PI4KB: variants seen among roughly 807,000 people sequenced by gnomAD.
The protein encoded by PI4KB is phosphatidylinositol 4-kinase beta.
A neutral mutation model predicts 81.4 loss-of-function variants in PI4KB; 23 were observed. That is an observed-to-expected ratio of 0.28 (90% CI 0.20 to 0.40). The LOEUF (loss-of-function observed/expected upper bound fraction) is 0.40, where lower values mean the gene tolerates loss of function less well. Ranked by LOEUF, PI4KB falls within the 10% of genes least tolerant of loss-of-function variation. The probability of loss-of-function intolerance (pLI) is 1.00; values close to 1 mark genes in which losing one functional copy is unlikely to be tolerated. For missense variants in PI4KB, 651 were observed against 1,036.6 expected, an observed-to-expected ratio of 0.63 and a Z score of 5.11; for synonymous variants, 381 against 406.8, an observed-to-expected ratio of 0.94 and a Z score of 0.76.
rs587703278 is a variant in PI4KB, at chr1:151,293,177, G to A, written c.2270-144C>T. 1.2e-5 allele frequency: 18 copies of A among 1,478,226 alleles called. No individual in the cohort carries two copies. The African/African-American group carries it at 2.4e-4, about 20-fold the overall frequency. 91.6% of individuals were successfully genotyped at this position (1,478,226 alleles called of 1,614,324 possible). ...GATGATGTGGGTGCAGTTCTGCTTG[G>A]GCAGAGAGAAGGAACCGGCAGGAAC... is the stretch of plus-strand genomic sequence containing the variant. On this transcript the variant is annotated intron_variant, in intron 11 of 11. Transcript: ENST00000368873.
intron 1 of PI4KB, among the ~76,000 whole-genome samples, chr1:151,322,342 T>C (rs1648971512): frequency 6.6e-6 from 1 of 151,980 alleles, no homozygotes; most frequent in African/African-American, 2.4e-5. Flanking sequence ...GCAGTTAAAA[T>C]ACATGTCTGC....
chr1:151,320,705 G>A (rs1038830372), intron 1 of PI4KB, among the ~76,000 whole-genome samples: 1 of 152,180 alleles, frequency 6.6e-6, no homozygotes, highest in Non-Finnish European at 1.5e-5. Context: ...CCACACCTTC[G>A]TAGGGCACTC....
At chr1:151,302,702 C>T (rs374373846) in intron 6 of PI4KB, among the ~76,000 whole-genome samples, 6 of 151,020 alleles carry the variant, frequency 4.0e-5, no homozygotes, top group African/African-American at 4.9e-5. Context: ...CTCAGCCTCC[C>T]GAGTAGCTGG....
At chr1:151,320,311 G>A (rs1195854215) in intron 1 of PI4KB, among the ~76,000 whole-genome samples, 1 of 152,182 alleles carries the variant, frequency 6.6e-6, no homozygotes, top group Non-Finnish European at 1.5e-5. Context: ...GGGATTACAG[G>A]TGTGAGCTGC....
intron 3 of PI4KB, among the ~76,000 whole-genome samples, chr1:151,309,379 C>T (rs1696025997): frequency 6.6e-6 from 1 of 152,062 alleles, no homozygotes; most frequent in Non-Finnish European, 1.5e-5. Context: ...CCCCAGGCCT[C>T]AAGAGAGAGG....
At chr1:151,324,649 T>A in intron 1 of PI4KB, 1 of 416,546 alleles carries the variant, frequency 2.4e-6, no homozygotes. Flanking sequence ...TGCAGAGCCA[T>A]GGAGCTGGTA....
At chr1:151,297,928 C>T (rs1013292304) in intron 9 of PI4KB, among the ~76,000 whole-genome samples, 1 of 152,192 alleles carries the variant, frequency 6.6e-6, no homozygotes, top group Non-Finnish European at 1.5e-5. Context: ...GACAGCTGCC[C>T]TGTGCCGAGG....
In PI4KB at chr1:151,310,065, G is replaced by A. The variant is rs75384344; in HGVS notation, c.954+146C>T. On this transcript the variant is annotated intron_variant, in intron 3 of 11. Coordinates refer to ENST00000368873, the MANE Select transcript of PI4KB (RefSeq NM_001369623.2). The stretch of plus-strand genomic sequence containing the variant: ...AGGGGAACTCCAGCAGATCTGGGAG[G>A]TCTGGGAGGGAGGAGCTGATCTCCC... 5.2e-3 allele frequency: 3,346 copies of A among 642,480 alleles called. 93 individuals are homozygous for A. The African/African-American group carries it at 0.053, about 10-fold the overall frequency. 39.8% of individuals were successfully genotyped at this position (642,480 alleles called of 1,614,324 possible). A position where few individuals can be genotyped will look rare whatever the true frequency, so the allele number is the denominator to read the frequency against.
chr1:151,319,679 G>A (rs1648559882), intron 1 of PI4KB, among the ~76,000 whole-genome samples: 2 of 152,296 alleles, frequency 1.3e-5, no homozygotes, highest in African/African-American at 4.8e-5. Context: ...ATCCTTCAGA[G>A]CCTCACCAAA....
Position 151,305,115 on chromosome 1 carries a change from C to A in PI4KB, c.1410+1021G>T, listed in dbSNP as rs11204801. 6.8e-3 allele frequency among the ~76,000 whole-genome samples: 1,041 copies of A among 152,248 alleles called. 15 individuals are homozygous for A. Among genetic ancestry groups the A allele is most frequent in the African/African-American group, 0.023 (972 of 41,524 alleles). ...AAAGTGCTGGGATTACAGGCGTGCGCCACCGCACCCGGCATAATTTTTCTA... is the reference window on the plus strand; with the variant it reads ...AAAGTGCTGGGATTACAGGCGTGCGACACCGCACCCGGCATAATTTTTCTA... On this transcript the variant is annotated intron_variant, in intron 5 of 11. Transcript: ENST00000368873.
At chr1:151,303,022 G>A (rs1280569103) in intron 6 of PI4KB, among the ~76,000 whole-genome samples, 16 of 112,504 alleles carry the variant, frequency 1.4e-4, no homozygotes, top group East Asian at 2.7e-4. Flanking sequence ...TTTTTGAGAC[G>A]GAGTCTCGTT....
intron 4 of PI4KB, 107 bp downstream of exon 4, chr1:151,307,467 G>A: frequency 1.5e-6 from 1 of 683,972 alleles, no homozygotes. Context: ...ACTATGAAGG[G>A]AGTCTAGGAT....
intron 4 of PI4KB, 144 bp downstream of exon 4, chr1:151,307,428 CAG>C (rs1238841462): frequency 4.8e-6 from 3 of 620,754 alleles, no homozygotes; most frequent in African/African-American, 1.8e-5. Flanking sequence ...CGCACTGAGA[CAG>C]AGTCATGGTT....
At chr1:151,312,670 C>T (rs1046173438) in intron 2 of PI4KB, among the ~76,000 whole-genome samples, 2 of 152,106 alleles carry the variant, frequency 1.3e-5, no homozygotes, top group Non-Finnish European at 2.9e-5. Context: ...AAAAGGAAAA[C>T]CAATTCCTTT....
intron 5 of PI4KB, among the ~76,000 whole-genome samples, chr1:151,303,948 T>C (rs1354778971): frequency 6.6e-6 from 1 of 152,188 alleles, no homozygotes; most frequent in African/African-American, 2.4e-5. Context: ...AGACTTCCAA[T>C]GCACTAAAGT....
rs779756607 is a variant in PI4KB, at chr1:151,291,841, TAACA to T, written c.*1007_*1010del. On this transcript the variant is annotated 3_prime_UTR_variant, in exon 12 of 12. Coordinates refer to ENST00000368873, the MANE Select transcript of PI4KB (RefSeq NM_001369623.2). ...TTTATTCTTGTAGTAATAATAATAC[TAACA>T]AACAGTTGGGGAACTAGGGAGAAAA... 1 of 152,512 alleles carries T rather than the reference TAACA, an allele frequency of 6.6e-6. No homozygotes were observed. The highest frequency in any genetic ancestry group is 2.1e-4 in the South Asian group (1 of 4,834). 9.4% of individuals were successfully genotyped at this position (152,512 alleles called of 1,614,324 possible).
chr1:151,307,630 G>A lies in PI4KB; in HGVS notation c.1126C>T (p.His376Tyr). The A allele has an allele frequency of 6.2e-7, 1 of 1,614,158 alleles. No homozygotes were observed. Among genetic ancestry groups the A allele is most frequent in the South Asian group, 1.1e-5 (1 of 91,074 alleles). ...RVWLPTAGFD[H>Y]HVVRVPHTQA... ...GTGTGGGGTACACGGACCACGTGGT[G>A]GTCAAAGCCAGCAGTGGGCAGCCAG... Residue 376 changes from histidine (H) to tyrosine (Y), a missense_variant, in exon 4 of 12, where the codon CAC becomes TAC. By Grantham distance (83) the His-to-Tyr change is moderately conservative. Coordinates refer to ENST00000368873, the MANE Select transcript of PI4KB (RefSeq NM_001369623.2).
At chr1:151,324,305 A>G (rs887982413) in intron 1 of PI4KB, among the ~76,000 whole-genome samples, 3 of 152,196 alleles carry the variant, frequency 2.0e-5, no homozygotes, top group Admixed American at 6.5e-5. Flanking sequence ...AAGAGACTCC[A>G]TATCATCTTT....
At chr1:151,306,758 T>G (rs914731940) in intron 4 of PI4KB, among the ~76,000 whole-genome samples, 24 of 152,154 alleles carry the variant, frequency 1.6e-4, no homozygotes, top group African/African-American at 5.6e-4. Flanking sequence ...CCAAGGAGTG[T>G]CCCAAACTTC....
Sources: allele counts gnomAD v4.1 joint callset (sites outside exome capture counted in the v4.1 genomes callset), GRCh38; gene constraint gnomAD v4.1.1; transcripts MANE v1.5; gene names NCBI Gene and HGNC (gene_info 2026-07-23, HGNC 2026-07-21).